PCDHGA2: variants seen among roughly 807,000 people sequenced by gnomAD.
The protein encoded by PCDHGA2 is protocadherin gamma subfamily A, 2.
In PCDHGA2, 40 loss-of-function variants were observed where a neutral mutation model predicts 59.2. The ratio of observed to expected loss-of-function variants is 0.68; its 90% CI spans 0.52 to 0.88. PCDHGA2 has a LOEUF of 0.88. Among genes scored for constraint, PCDHGA2 ranks in the 40% least tolerant of loss-of-function variants. The pLI, the probability that PCDHGA2 is intolerant of heterozygous loss-of-function variation, is 0.00. For missense variants in PCDHGA2, 1,226 were observed against 1,204.0 expected (o/e 1.02, Z -0.27); for synonymous variants, 560 against 526.0 (o/e 1.06, Z -0.89).
chr5:141,428,067 G>GC, intron 1 of PCDHGA2: 2 of 1,609,228 alleles, frequency 1.2e-6, no homozygotes, highest in Non-Finnish European at 1.7e-6. Context: ...GGTGGACGCA[G>GC]ATTCGGGACA....
chr5:141,351,386 G>A (rs2149762334), intron 1 of PCDHGA2: 1 of 1,612,026 alleles, frequency 6.2e-7, no homozygotes. Context: ...TGGGCAAAAT[G>A]GCATGGTGAC....
In PCDHGA2 at chr5:141,485,269, C is replaced by T. The variant is rs760197007; in HGVS notation, c.2425-9538C>T. The T allele has an allele frequency of 6.2e-7, 1 of 1,614,090 alleles. No homozygotes were observed. Among genetic ancestry groups the T allele is most frequent in the Admixed American group, 1.7e-5 (1 of 60,028 alleles). On this transcript the variant is annotated intron_variant, in intron 1 of 3. Transcript: ENST00000394576. The surrounding 1 kb of genome is among the most constrained non-coding windows in gnomAD (Gnocchi z 5.7). ...TGGGTTACGTTTGTGGGCAGATCCG[C>T]TACCCGGTCCCAGAGGAGTCACAGG... is the stretch of plus-strand genomic sequence containing the variant.
At chr5:141,360,197 T>C (rs777545270) in intron 1 of PCDHGA2, 1 of 1,612,462 alleles carries the variant, frequency 6.2e-7, no homozygotes, top group South Asian at 1.1e-5. Context: ...TTGCCCTTCC[T>C]GTTGTCTTTG....
chr5:141,486,578 C>A lies in PCDHGA2; in HGVS notation c.2425-8229C>A, dbSNP rs780578882. 5 of 1,613,610 alleles carry A rather than the reference C, an allele frequency of 3.1e-6. No homozygotes were observed. In the Admixed American group the frequency reaches 6.7e-5, roughly 22 times the overall value. On this transcript the variant is annotated intron_variant, in intron 1 of 3. Coordinates refer to ENST00000394576, the MANE Select transcript of PCDHGA2 (RefSeq NM_018915.4). The surrounding 1 kb of genome is among the most constrained non-coding windows in gnomAD (Gnocchi z 5.0). Reference sequence around the variant, plus strand: ...TGAGGTGTTTGTTCCTGAGAACAATCGCCCAGGGGACCTGCTTTGCTCCCT... The same window carrying A: ...TGAGGTGTTTGTTCCTGAGAACAATAGCCCAGGGGACCTGCTTTGCTCCCT...
chr5:141,360,383 A>G, intron 1 of PCDHGA2: 1 of 1,613,868 alleles, frequency 6.2e-7, no homozygotes, highest in Non-Finnish European at 8.5e-7. Context: ...GAAAGCGGAG[A>G]CTTACTTGTG....
chr5:141,423,628 A>G (rs1272272666), intron 1 of PCDHGA2: 2 of 1,604,848 alleles, frequency 1.2e-6, no homozygotes, highest in African/African-American at 1.3e-5. Context: ...CTCAGCTATC[A>G]TTTTAGGCAA....
intron 1 of PCDHGA2, chr5:141,417,959 C>A (rs759279387): frequency 5.0e-6 from 8 of 1,613,734 alleles, no homozygotes; most frequent in Non-Finnish European, 6.8e-6. Context: ...TGAGCCGATC[C>A]GCTACTCGAT....
intron 1 of PCDHGA2, among the ~76,000 whole-genome samples, chr5:141,353,575 G>A (rs2149775873): frequency 6.6e-6 from 1 of 152,154 alleles, no homozygotes; most frequent in Middle Eastern, 3.4e-3. Flanking sequence ...TATAATTTCA[G>A]TCAATGATAT....
chr5:141,420,669 G>A (rs1018355067), intron 1 of PCDHGA2, among the ~76,000 whole-genome samples: 2 of 152,202 alleles, frequency 1.3e-5, no homozygotes, highest in South Asian at 2.1e-4. Context: ...CATCCTACCT[G>A]ATGATTTTAT....
At chr5:141,394,733 G>A (rs1353984219) in intron 1 of PCDHGA2, 1 of 1,613,324 alleles carries the variant, frequency 6.2e-7, no homozygotes, top group South Asian at 1.1e-5. Flanking sequence ...CGCTCAAGCA[G>A]AGCCTCGTGG....
intron 1 of PCDHGA2, chr5:141,402,981 G>A (rs375892904): frequency 1.2e-6 from 2 of 1,608,410 alleles, no homozygotes; most frequent in Non-Finnish European, 1.7e-6. Flanking sequence ...TGCCAGCTCC[G>A]CGGAAGATTA....
intron 1 of PCDHGA2, chr5:141,422,413 GAA>G (rs753790858): frequency 6.2e-7 from 1 of 1,604,644 alleles, no homozygotes; most frequent in South Asian, 1.1e-5. Flanking sequence ...TTTTAAATTA[GAA>G]AAGACTTATG....
chr5:141,481,780 C>T (rs781334437), intron 1 of PCDHGA2, among the ~76,000 whole-genome samples: 3 of 152,016 alleles, frequency 2.0e-5, no homozygotes, highest in African/African-American at 7.2e-5. Flanking sequence ...GGTGAAACCC[C>T]GTCTCTACTA....
chr5:141,404,682 T>G lies in PCDHGA2; in HGVS notation c.2424+63287T>G, dbSNP rs766278950. 2.5e-6 allele frequency: 4 copies of G among 1,613,914 alleles called. No individual in the cohort carries two copies. Among genetic ancestry groups the G allele is most frequent in the Non-Finnish European group, 2.5e-6 (3 of 1,179,906 alleles). On this transcript the variant is annotated intron_variant, in intron 1 of 3. Coordinates refer to ENST00000394576, the MANE Select transcript of PCDHGA2 (RefSeq NM_018915.4). ...ACTGATGGTTCTACTGGTGTGGAGC[T>G]GGCACCCCGCTCTGCAGAGCCTGGC...
chr5:141,432,070 T>C lies in PCDHGA2; in HGVS notation c.2425-62737T>C. 6.2e-7 allele frequency: 1 copy of C among 1,614,136 alleles called. No homozygotes were observed. The highest frequency in any genetic ancestry group is 2.2e-5 in the East Asian group (1 of 44,860). ...CCCCGCCCCTATCCACGGAAACTCATATCTCGCTGAACGTGGCAGACACCA... is the reference window on the plus strand; with the variant it reads ...CCCCGCCCCTATCCACGGAAACTCACATCTCGCTGAACGTGGCAGACACCA... On this transcript the variant is annotated intron_variant, in intron 1 of 3. Transcript: ENST00000394576. The surrounding 1 kb of genome is among the most constrained non-coding windows in gnomAD (Gnocchi z 6.0).
intron 1 of PCDHGA2, chr5:141,362,613 T>G: frequency 6.4e-7 from 1 of 1,552,174 alleles, no homozygotes; most frequent in East Asian, 2.3e-5. Context: ...CTAATTTGGG[T>G]AGGAAGTTCC....
At chr5:141,388,126 G>T (rs531546122) in intron 1 of PCDHGA2, 7 of 1,431,030 alleles carry the variant, frequency 4.9e-6, no homozygotes, top group East Asian at 2.4e-5. Flanking sequence ...AGCGCAGAGA[G>T]CGGGGAGTTG....
At position 141,431,215 on chromosome 5, in the gene PCDHGA2, C is replaced by G. The variant is rs1225114172; in HGVS notation, c.2425-63592C>G. 1 of 1,614,184 alleles carries G rather than the reference C, an allele frequency of 6.2e-7. No individual in the cohort carries two copies. Among genetic ancestry groups the G allele is most frequent in the Admixed American group, 1.7e-5 (1 of 60,032 alleles). On this transcript the variant is annotated intron_variant, in intron 1 of 3. Coordinates refer to ENST00000394576, the MANE Select transcript of PCDHGA2 (RefSeq NM_018915.4). This position sits in a 1 kb window ranked among gnomAD's most constrained non-coding sequence, Gnocchi z 4.8. ...AAAATGCAGCCACTGAGATGCGGTTCCCTCTACCCCACGCCTGGGATCCGG... is the reference window on the plus strand; with the variant it reads ...AAAATGCAGCCACTGAGATGCGGTTGCCTCTACCCCACGCCTGGGATCCGG...
At chr5:141,384,078 A>G in intron 1 of PCDHGA2, 1 of 1,598,728 alleles carries the variant, frequency 6.3e-7, no homozygotes. Context: ...TACCTTTTAA[A>G]TTAGAAAAAT....
Sources: gnomAD v4.1 joint callset for allele counts (sites outside exome capture counted in the v4.1 genomes callset) on GRCh38, gnomAD v4.1.1 for gene constraint, Gnocchi (gnomAD v3.1) non-coding constraint, MANE v1.5 for transcripts, NCBI Gene and HGNC (gene_info 2026-07-23, HGNC 2026-07-21) for gene names.